Variants in ZNF790 observed in about 807,000 individuals in gnomAD.
The protein encoded by ZNF790 is zinc finger protein 790.
A neutral mutation model predicts 12.1 loss-of-function variants in ZNF790; 8 were observed. That is an observed-to-expected ratio of 0.66 (90% CI 0.39 to 1.19). ZNF790 has a LOEUF of 1.19. Among genes scored for constraint, ZNF790 ranks in the 50% most tolerant of loss-of-function variants. The pLI, the probability that ZNF790 is intolerant of heterozygous loss-of-function variation, is 0.01. For synonymous variants in ZNF790, 252 were observed against 244.3 expected (o/e 1.03, Z -0.29); for missense variants, 707 against 752.2 (o/e 0.94, Z 0.70).
At chr19:36,822,322 T>A (rs1376270245) in intron 4 of ZNF790, among the ~76,000 whole-genome samples, 1 of 151,982 alleles carries the variant, frequency 6.6e-6, no homozygotes, top group Non-Finnish European at 1.5e-5. Context: ...AATTAAATTT[T>A]AAAAAAGGGA....
At position 36,823,266 on chromosome 19, in the gene ZNF790, G is replaced by T. The variant is rs760081553; in HGVS notation, c.229+19C>A. ...ATCCACAACAATGGCCTCCTTGTGC[G>T]TGTTCAGCCCTCACTCACCTGGGCA... On this transcript the variant is annotated intron_variant, in intron 4 of 4. Coordinates refer to ENST00000356725, the MANE Select transcript of ZNF790 (RefSeq NM_206894.4). 6.2e-7 allele frequency: 1 copy of T among 1,602,600 alleles called. No homozygotes were observed. The highest frequency in any genetic ancestry group is 8.5e-7 in the Non-Finnish European group (1 of 1,169,964).
Position 36,819,627 on chromosome 19 carries a change from C to T in ZNF790, c.717G>A (p.Ser239=), listed in dbSNP as rs61910745. The part of the protein sequence containing the change: ...KECGKSFSLR[S]SLTGHKRIHT... Reference sequence around the variant, plus strand: ...GAATTCTCTTATGACCAGTAAGACTCGAACGTAAACTAAAAGACTTCCCAC... The same window carrying T: ...GAATTCTCTTATGACCAGTAAGACTTGAACGTAAACTAAAAGACTTCCCAC... The change falls in exon 5 of 5, where the codon TCG becomes TCA. Residue 239 remains serine (S), a synonymous_variant. Coordinates refer to ENST00000356725, the MANE Select transcript of ZNF790 (RefSeq NM_206894.4). 3.2e-5 allele frequency: 51 copies of T among 1,606,158 alleles called. No individual in the cohort carries two copies. The highest frequency in any genetic ancestry group is 2.5e-4 in the African/African-American group (19 of 74,670).
intron 4 of ZNF790, among the ~76,000 whole-genome samples, chr19:36,820,892 CTTTTTTTT>C (rs1161286902): frequency 7.9e-6 from 1 of 127,010 alleles, no homozygotes; most frequent in Non-Finnish European, 1.6e-5. Context: ...GAGACCCTGT[CTTTTTTTT>C]TTTTTTTTTT....
At chr19:36,823,518 G>T in intron 3 of ZNF790, 138 bp from the exon 4 acceptor site, 1 of 1,234,872 alleles carries the variant, frequency 8.1e-7, no homozygotes, top group Non-Finnish European at 1.1e-6. Flanking sequence ...AGATGGAAGT[G>T]CCCACTGATG....
chr19:36,828,985 G>A (rs889202152), intron 1 of ZNF790, among the ~76,000 whole-genome samples: 3 of 152,206 alleles, frequency 2.0e-5, no homozygotes, highest in Admixed American at 2.0e-4. Flanking sequence ...CCATTCCCAT[G>A]GGGAGTAGAC....
chr19:36,843,739 T>A lies in ZNF790; in HGVS notation c.-74+6263A>T, dbSNP rs1406566683. The stretch of plus-strand genomic sequence containing the variant: ...AAACAAACAGGTCGGCCAGGCACAG[T>A]GGCTCACACCTGTAATCCCAGCACT... On this transcript the variant is annotated intron_variant, in intron 1 of 4. Coordinates refer to the ZNF790 transcript ENST00000528994. Among the ~76,000 whole-genome samples, 5 of 152,226 alleles carry A rather than the reference T, an allele frequency of 3.3e-5. No homozygotes were observed. In the East Asian group the frequency reaches 9.7e-4, roughly 29 times the overall value.
At chr19:36,828,444 CAA>C (rs747706386) in intron 1 of ZNF790, among the ~76,000 whole-genome samples, 9 of 141,978 alleles carry the variant, frequency 6.3e-5, no homozygotes, top group Non-Finnish European at 9.2e-5. Flanking sequence ...GCCTGGGCAA[CAA>C]GAGCAAAACC....
chr19:36,829,901 A>G (rs1396407293), intron 1 of ZNF790, among the ~76,000 whole-genome samples: 1 of 152,192 alleles, frequency 6.6e-6, no homozygotes, highest in Non-Finnish European at 1.5e-5. Context: ...ATGAACATTC[A>G]TGTAAAAGTT....
In ZNF790 at chr19:36,819,411, T is replaced by C. The variant is rs1220789469; in HGVS notation, c.933A>G (p.Glu311=). The change falls in exon 5 of 5, where the codon GAA becomes GAG. Residue 311 remains glutamate, a synonymous_variant. Transcript: ENST00000356725. ...QRIHTGEKPY[E]CNECRKAFSQ... is the part of the protein sequence containing the mutation. Reference sequence around the variant, plus strand: ...TAAAGGCCTTTCTACATTCATTACATTCATAGGGTTTTTCACCAGTATGAA... The same window carrying C: ...TAAAGGCCTTTCTACATTCATTACACTCATAGGGTTTTTCACCAGTATGAA... 2 of 1,611,028 alleles carry C rather than the reference T, an allele frequency of 1.2e-6. No individual in the cohort carries two copies. Among genetic ancestry groups the C allele is most frequent in the Non-Finnish European group, 1.7e-6 (2 of 1,178,162 alleles).
chr19:36,834,819 A>G (rs1182300559), intron 1 of ZNF790, among the ~76,000 whole-genome samples: 1 of 152,260 alleles, frequency 6.6e-6, no homozygotes, highest in East Asian at 1.9e-4. Flanking sequence ...ACTTCAATAA[A>G]AAGACTAGGA....
upstream of ZNF790, among the ~76,000 whole-genome samples, chr19:36,839,543 G>A (rs528788854): frequency 1.3e-5 from 2 of 152,212 alleles, no homozygotes; most frequent in Non-Finnish European, 1.5e-5. Flanking sequence ...TGGGACTACA[G>A]GTGTGTGCCA....
chr19:36,823,372 T>C lies in ZNF790; in HGVS notation c.142A>G (p.Ile48Val). The change falls in exon 4 of 5, where the codon ATT becomes GTT. Residue 48 changes from isoleucine (I) to valine (V), a missense_variant. Transcript: ENST00000356725. ...AAAGAGAACGCTTCTGGCTGATAAA[T>C]GCAAAAACCTGCCCAGAAGATGAGA... ...YSNMVSLGFC[I>V]YQPEAFSLLE... is the part of the protein sequence containing the mutation. 6.2e-7 allele frequency: 1 copy of C among 1,613,656 alleles called. No homozygotes were observed. The highest frequency in any genetic ancestry group is 8.5e-7 in the Non-Finnish European group (1 of 1,179,846).
intron 1 of ZNF790, among the ~76,000 whole-genome samples, chr19:36,843,995 G>A (rs1352238920): frequency 5.1e-5 from 6 of 118,184 alleles, no homozygotes; most frequent in African/African-American, 1.7e-4. Context: ...CAACAAGAGC[G>A]AAACTCCATC....
chr19:36,819,165 A>C lies in ZNF790; in HGVS notation c.1179T>G (p.Pro393=), dbSNP rs552994095. Residue 393 remains proline, a synonymous_variant, in exon 5 of 5, where the codon CCT becomes CCG. Coordinates refer to ENST00000356725, the MANE Select transcript of ZNF790 (RefSeq NM_206894.4). The part of the protein sequence containing the change: ...QHQNVHVGRK[P]YKCEKCGKAY... ...CTTTCCCACATTTCTCACATTTATA[A>C]GGTTTCCTACCAACATGAACATTCT... 1.2e-6 allele frequency: 2 copies of C among 1,613,790 alleles called. No homozygotes were observed. The highest frequency in any genetic ancestry group is 2.2e-5 in the South Asian group (2 of 91,054).
At chr19:36,825,576 G>A (rs1454109860) in intron 2 of ZNF790, 35 bp downstream of exon 2, 4 of 1,602,770 alleles carry the variant, frequency 2.5e-6, no homozygotes, top group Non-Finnish European at 3.4e-6. Context: ...GATATAAATG[G>A]GTTATATTTT....
Position 36,818,554 on chromosome 19 carries a change from G to A in ZNF790, c.1790C>T (p.Thr597Ile), listed in dbSNP as rs150665966. The A allele has an allele frequency of 7.5e-6, 12 of 1,608,198 alleles. No homozygotes were observed. In the African/African-American group the frequency reaches 1.3e-4, roughly 18 times the overall value. Residue 597 changes from threonine (T) to isoleucine (I), a missense_variant, in exon 5 of 5, where the codon ACC becomes ATC. Transcript: ENST00000356725. ...NLCEWTDYGN[T>I]FSHESNFAQH... ...AGCAAAGTTTGACTCATGACTAAAG[G>A]TGTTCCCATAGTCTGTCCATTCACA...
chr19:36,836,050 C>A (rs1234256614), intron 1 of ZNF790, among the ~76,000 whole-genome samples: 1 of 152,158 alleles, frequency 6.6e-6, no homozygotes, highest in Non-Finnish European at 1.5e-5. Flanking sequence ...GGCCATCATT[C>A]TGCCTACCTT....
At chr19:36,823,553 C>T (rs2071723831) in intron 3 of ZNF790, 114 bp downstream of exon 3, 15 of 1,412,398 alleles carry the variant, frequency 1.1e-5, no homozygotes, top group South Asian at 2.5e-5. Flanking sequence ...ATTTACAAAG[C>T]GCAAACCATT....
chr19:36,837,563 T>G (rs1461526068), intron 1 of ZNF790: 1 of 152,212 alleles, frequency 6.6e-6, no homozygotes, highest in Non-Finnish European at 1.5e-5. Context: ...CCCCTATATC[T>G]GAAATCTTCA....
Sources: gnomAD v4.1 joint callset for allele counts (sites outside exome capture counted in the v4.1 genomes callset) on GRCh38, gnomAD v4.1.1 for gene constraint, MANE v1.5 for transcripts, NCBI Gene and HGNC (gene_info 2026-07-23, HGNC 2026-07-21) for gene names.